Variants in AOAH observed in about 807,000 individuals in gnomAD.
AOAH encodes acyloxyacyl hydrolase, also known as acyloxyacyl hydrolase (neutrophil).
AOAH carries 64 observed loss-of-function variants against 92.2 expected under a neutral mutation model. That is an observed-to-expected ratio of 0.69 (90% CI 0.57 to 0.86). AOAH has a LOEUF of 0.86. AOAH is among the 40% of genes least tolerant of loss of function. AOAH has a pLI of 0.00. For synonymous variants in AOAH, 263 were observed against 254.5 expected, an observed-to-expected ratio of 1.03 and a Z score of -0.32; for missense variants, 656 against 694.6, an observed-to-expected ratio of 0.94 and a Z score of 0.62.
chr7:36,535,367 G>A (rs921655705), intron 16 of AOAH, among the ~76,000 whole-genome samples: 4 of 152,104 alleles, frequency 2.6e-5, no homozygotes, highest in Admixed American at 6.6e-5. Flanking sequence ...TGAAATCTTA[G>A]GTACCGTAGA....
intron 11 of AOAH, among the ~76,000 whole-genome samples, chr7:36,615,600 CCCA>C (rs1240672934): frequency 1.3e-5 from 2 of 152,180 alleles, no homozygotes; most frequent in African/African-American, 2.4e-5. Flanking sequence ...CCCTCCAGCT[CCCA>C]CCCTTTGCCA....
intron 12 of AOAH, among the ~76,000 whole-genome samples, chr7:36,577,910 A>T (rs1411759021): frequency 1.3e-5 from 2 of 152,202 alleles, no homozygotes. Flanking sequence ...GTGTTATATG[A>T]AAGCTTACTA....
chr7:36,636,651 C>CAGTT (rs148208077), intron 5 of AOAH, among the ~76,000 whole-genome samples: 324 of 152,280 alleles, frequency 2.1e-3, no homozygotes, highest in Non-Finnish European at 3.7e-3. Context: ...ATTGATTAAT[C>CAGTT]AGTTATGTAG....
At chr7:36,538,745 A>G (rs924834887) in intron 16 of AOAH, among the ~76,000 whole-genome samples, 1 of 152,226 alleles carries the variant, frequency 6.6e-6, no homozygotes, top group African/African-American at 2.4e-5. Flanking sequence ...CCCAGAATGG[A>G]GTGAAGTTCC....
At chr7:36,532,743 C>A (rs923672977) in intron 16 of AOAH, among the ~76,000 whole-genome samples, 2 of 152,196 alleles carry the variant, frequency 1.3e-5, no homozygotes, top group Non-Finnish European at 2.9e-5. Flanking sequence ...CTGCATGGGG[C>A]ACAGGGAACA....
chr7:36,548,900 C>A (rs1452623768), intron 14 of AOAH, among the ~76,000 whole-genome samples: 3 of 152,148 alleles, frequency 2.0e-5, no homozygotes, highest in African/African-American at 7.2e-5. Flanking sequence ...AGAGAAAGGC[C>A]ACATAAATGC....
chr7:36,641,070 C>T (rs186750139), intron 4 of AOAH, among the ~76,000 whole-genome samples: 1 of 152,302 alleles, frequency 6.6e-6, no homozygotes, highest in Admixed American at 6.5e-5. Flanking sequence ...TCAAATCCCT[C>T]TTCACCCCTA....
chr7:36,621,657 G>T, intron 8 of AOAH, 53 bp downstream of exon 8: 1 of 1,547,304 alleles, frequency 6.5e-7, no homozygotes, highest in Non-Finnish European at 8.9e-7. Context: ...TGTGCCTCCT[G>T]CTTCCTTTTC....
At chr7:36,530,633 G>T in intron 18 of AOAH, 119 bp from the exon 19 acceptor site, 1 of 656,158 alleles carries the variant, frequency 1.5e-6, no homozygotes, top group Non-Finnish European at 2.7e-6. Context: ...ATTTCTCCAA[G>T]CCATCAGCAG....
At chr7:36,537,640 T>C (rs1785161622) in intron 16 of AOAH, among the ~76,000 whole-genome samples, 1 of 151,894 alleles carries the variant, frequency 6.6e-6, no homozygotes, top group Non-Finnish European at 1.5e-5. Context: ...TGCCTCAGCC[T>C]CCCAAGTAGC....
At chr7:36,648,310 TTTTAA>T (rs1462077044) in intron 4 of AOAH, among the ~76,000 whole-genome samples, 1 of 152,238 alleles carries the variant, frequency 6.6e-6, no homozygotes, top group Non-Finnish European at 1.5e-5. Context: ...TAAAATCTCA[TTTTAA>T]TTTTTCACTT....
chr7:36,683,377 G>A (rs573479136), intron 2 of AOAH, among the ~76,000 whole-genome samples: 3 of 152,256 alleles, frequency 2.0e-5, no homozygotes, highest in African/African-American at 7.2e-5. Flanking sequence ...TACAGTTGCT[G>A]ATGCAGCTAA....
chr7:36,530,545 T>G (rs1583740813), intron 18 of AOAH, 31 bp from the exon 19 acceptor site: 1 of 1,472,166 alleles, frequency 6.8e-7, no homozygotes, highest in East Asian at 2.3e-5. Context: ...GAGAATTTCA[T>G]GAAATCTAGA....
chr7:36,554,408 C>T (rs1181038018), intron 13 of AOAH, among the ~76,000 whole-genome samples: 1 of 152,204 alleles, frequency 6.6e-6, no homozygotes, highest in Non-Finnish European at 1.5e-5. Flanking sequence ...AGTTTGAAGT[C>T]AGGTAGCATG....
chr7:36,660,301 CAG>C (rs1051389428), intron 3 of AOAH, among the ~76,000 whole-genome samples: 1 of 86,124 alleles, frequency 1.2e-5, no homozygotes, highest in Non-Finnish European at 2.3e-5. Flanking sequence ...TATTTGGGAA[CAG>C]AGTCTTTTGT....
chr7:36,513,294 GT>G lies in AOAH; in HGVS notation c.1685del (p.Asn562ThrfsTer88). 6.2e-7 allele frequency: 1 copy of G among 1,614,178 alleles called. No individual in the cohort carries two copies. Among genetic ancestry groups the G allele is most frequent in the Non-Finnish European group, 8.5e-7 (1 of 1,180,022 alleles). On this transcript the variant is annotated frameshift_variant, in exon 21 of 21. Transcript: ENST00000617537. LOFTEE classifies it high-confidence loss of function. ...PQILGKENPFNPQIKQVFGDQ... is the reference protein window; with the variant it reads ...PQILGKENPFXPQIKQVFGDQ... Reference sequence around the variant, plus strand: ...CTCCAAACACCTGTTTAATCTGGGGGTTGAACGGATTCTCCTTTCCCAGGAT... The same window carrying G: ...CTCCAAACACCTGTTTAATCTGGGGGTGAACGGATTCTCCTTTCCCAGGAT...
At chr7:36,530,651 C>G in intron 18 of AOAH, 137 bp from the exon 19 acceptor site, 1 of 599,804 alleles carries the variant, frequency 1.7e-6, no homozygotes, top group Non-Finnish European at 3.0e-6. Context: ...CAGACAGCAG[C>G]TCTGCACATT....
At chr7:36,546,924 A>G (rs926139916) in intron 15 of AOAH, among the ~76,000 whole-genome samples, 13 of 152,186 alleles carry the variant, frequency 8.5e-5, no homozygotes, top group Non-Finnish European at 1.3e-4. Flanking sequence ...TGCTCACTGT[A>G]TATTTTAAAA....
At chr7:36,537,506 G>GTTTTTTTTT (rs67918250) in intron 16 of AOAH, among the ~76,000 whole-genome samples, 42 of 134,816 alleles carry the variant, frequency 3.1e-4, no homozygotes, top group South Asian at 7.1e-4. Flanking sequence ...CACCCCTCTT[G>GTTTTTTTTT]TTTTTTTTTT....
Sources: allele counts gnomAD v4.1 joint callset (sites outside exome capture counted in the v4.1 genomes callset), GRCh38; gene constraint gnomAD v4.1.1; transcripts MANE v1.5; gene names NCBI Gene and HGNC (gene_info 2026-07-23, HGNC 2026-07-21).